The following OR4M1 variants were observed in gnomAD, a reference collection of about 807,000 sequenced individuals.
OR4M1 encodes olfactory receptor family 4 subfamily M member 1.
In OR4M1, 7 loss-of-function variants were observed where a neutral mutation model predicts 9.8. That is an observed-to-expected ratio of 0.71 (90% CI 0.41 to 1.34). The LOEUF (loss-of-function observed/expected upper bound fraction) is 1.34. Among genes scored for constraint, OR4M1 ranks in the 40% most tolerant of loss-of-function variants. The probability of loss-of-function intolerance (pLI) is 0.01; values close to 1 mark genes in which losing one functional copy is unlikely to be tolerated. For synonymous variants in OR4M1, 121 were observed against 139.8 expected (o/e 0.87, Z 0.95); for missense variants, 331 against 380.4 (o/e 0.87, Z 1.08).
chr14:19,781,547 C>T lies in OR4M1; in HGVS notation c.*283C>T. The T allele has an allele frequency of 2.6e-6, 1 of 379,012 alleles. No homozygotes were observed. Among genetic ancestry groups the T allele is most frequent in the Non-Finnish European group, 4.7e-6 (1 of 211,348 alleles). The allele number at this position is 379,012 out of a possible 1,614,324, so 23.5% of individuals were successfully genotyped here. ...TTTTAACTAATTGTTTATTGAGTAA[C>T]TACTCTGCAGAGGCTCTGGCTTTGA... On this transcript the variant is annotated 3_prime_UTR_variant, in exon 2 of 2. Transcript: ENST00000641200.
intron 1 of OR4M1, among the ~76,000 whole-genome samples, chr14:19,778,822 T>G (rs1371696067): frequency 9.7e-4 from 4 of 4,120 alleles, no homozygotes; most frequent in Admixed American, 8.5e-3. Flanking sequence ...TATCTTTCTT[T>G]TGATTAAATC....
intron 1 of OR4M1, among the ~76,000 whole-genome samples, chr14:19,775,115 T>C (rs1205237972): frequency 6.6e-6 from 1 of 152,226 alleles, no homozygotes. Context: ...ACTCCACTGC[T>C]GATATCAACC....
intron 1 of OR4M1, among the ~76,000 whole-genome samples, chr14:19,773,915 A>G (rs1291669215): frequency 6.6e-5 from 10 of 152,228 alleles, no homozygotes; most frequent in Non-Finnish European, 2.9e-5. Context: ...AAGCTCAGAG[A>G]AGGCTGTTTT....
chr14:19,780,146 T>G (rs1878424439), intron 1 of OR4M1, 148 bp from the exon 2 acceptor site: 1 of 690,996 alleles, frequency 1.4e-6, no homozygotes, highest in African/African-American at 1.8e-5. Context: ...TACTTTCTCT[T>G]TCTTGGTTTA....
chr14:19,777,050 T>TATA (rs57131693), intron 1 of OR4M1, among the ~76,000 whole-genome samples: 9,040 of 72,908 alleles, frequency 0.12, 549 homozygotes, highest in East Asian at 0.19. Flanking sequence ...ATATATATAT[T>TATA]GTTTGTTTGT....
chr14:19,775,599 AATAT>A (rs1878287934), intron 1 of OR4M1, among the ~76,000 whole-genome samples: 2 of 147,334 alleles, frequency 1.4e-5, no homozygotes, highest in Admixed American at 1.4e-4. Context: ...ATATAATTAT[AATAT>A]ATAAGTATAT....
At position 19,776,095 on chromosome 14, in the gene OR4M1, C is replaced by T. The variant is rs562882309; in HGVS notation, c.-30+2502C>T. 2.1e-4 allele frequency among the ~76,000 whole-genome samples: 32 copies of T among 152,206 alleles called. No individual in the cohort carries two copies. In the South Asian group the frequency reaches 6.4e-3, roughly 31 times the overall value. ...CCCACAGAATAAGTGAGCTCAATAT[C>T]CTAAAAATAGGAAAATTAATTCGCA... On this transcript the variant is annotated intron_variant, in intron 1 of 1. Coordinates refer to ENST00000641200, the MANE Select transcript of OR4M1 (RefSeq NM_001005500.2).
chr14:19,775,155 G>C (rs1197106305), intron 1 of OR4M1, among the ~76,000 whole-genome samples: 1 of 152,132 alleles, frequency 6.6e-6, no homozygotes, highest in Non-Finnish European at 1.5e-5. Context: ...CTTTTTTTGT[G>C]GTTTTAACAC....
In OR4M1 at chr14:19,780,473, C is replaced by T. The variant is rs142431986; in HGVS notation, c.151C>T (p.Leu51=). Residue 51 remains leucine (L), a synonymous_variant, in exon 2 of 2, where the codon CTA becomes TTA. Transcript: ENST00000641200. The part of the protein sequence containing the change: ...GNILIICTIR[L]DPHLTSPMYF... ...TATCCTTATCATTTGCACCATCAGG[C>T]TAGACCCTCATCTGACTTCTCCTAT... 1,848 of 1,613,912 alleles carry T rather than the reference C, an allele frequency of 1.1e-3. 3 individuals are homozygous for T. Among genetic ancestry groups the T allele is most frequent in the Non-Finnish European group, 1.5e-3 (1,788 of 1,179,848 alleles).
chr14:19,775,033 A>C (rs1021798467), intron 1 of OR4M1, among the ~76,000 whole-genome samples: 6 of 152,246 alleles, frequency 3.9e-5, no homozygotes, highest in African/African-American at 1.4e-4. Context: ...GCCTTCTTAC[A>C]TCCCCGCCCT....
chr14:19,777,943 T>C (rs962690343), intron 1 of OR4M1, among the ~76,000 whole-genome samples: 1 of 152,022 alleles, frequency 6.6e-6, no homozygotes, highest in Non-Finnish European at 1.5e-5. Flanking sequence ...GAGTAGGGAG[T>C]TTGATTGGCT....
At chr14:19,775,836 G>T (rs1218147352) in intron 1 of OR4M1, among the ~76,000 whole-genome samples, 1 of 147,872 alleles carries the variant, frequency 6.8e-6, no homozygotes, top group Non-Finnish European at 1.5e-5. Context: ...TATTAAAAGA[G>T]AAATAAGCAG....
rs1476615222 is a variant in OR4M1 at position 19,781,450 on chromosome 14, T to C, written c.*186T>C. ...GGCATTAAGATGAAAATAAATTTAC[T>C]CACACCTACCCTGAAATTCCAGGCA... is the stretch of plus-strand genomic sequence containing the variant. On this transcript the variant is annotated 3_prime_UTR_variant, in exon 2 of 2. Transcript: ENST00000641200. The C allele has an allele frequency of 4.6e-5, 28 of 608,784 alleles. No homozygotes were observed. Among genetic ancestry groups the C allele is most frequent in the Non-Finnish European group, 7.5e-5 (27 of 360,954 alleles). The allele number at this position is 608,784 out of a possible 1,614,324, so 37.7% of individuals were successfully genotyped here.
In OR4M1 at chr14:19,781,321, T is replaced by C; in HGVS notation, c.*57T>C. On this transcript the variant is annotated 3_prime_UTR_variant, in exon 2 of 2. Coordinates refer to ENST00000641200, the MANE Select transcript of OR4M1 (RefSeq NM_001005500.2). ...AGGATCATTGTCCTAAAGCAGGAAG[T>C]ATTTGCAGTAATAATGCTGCATTCA... is the stretch of plus-strand genomic sequence containing the variant. 1.4e-6 allele frequency: 2 copies of C among 1,391,366 alleles called. No individual in the cohort carries two copies. The highest frequency in any genetic ancestry group is 9.8e-7 in the Non-Finnish European group (1 of 1,018,628). 86.2% of individuals were successfully genotyped at this position (1,391,366 alleles called of 1,614,324 possible).
At chr14:19,776,207 C>T (rs1228778698) in intron 1 of OR4M1, among the ~76,000 whole-genome samples, 9 of 152,196 alleles carry the variant, frequency 5.9e-5, no homozygotes. Context: ...CTTAATTTAC[C>T]TTTCTGAGAA....
intron 1 of OR4M1, among the ~76,000 whole-genome samples, chr14:19,777,183 G>A (rs1878341138): frequency 6.6e-6 from 1 of 151,304 alleles, no homozygotes; most frequent in African/African-American, 2.4e-5. Flanking sequence ...AAAGAAAATT[G>A]GAAATCCAAT....
In OR4M1 at chr14:19,783,389, CTCCCACATGAATTA is replaced by C. The variant is rs1300503282; in HGVS notation, c.*2128_*2141del. 1 of 152,692 alleles carries C rather than the reference CTCCCACATGAATTA, an allele frequency of 6.5e-6. No individual in the cohort carries two copies. Among genetic ancestry groups the C allele is most frequent in the Non-Finnish European group, 1.5e-5 (1 of 68,370 alleles). The allele number at this position is 152,692 out of a possible 1,614,324, so 9.5% of individuals were successfully genotyped here. A position where few individuals can be genotyped will look rare whatever the true frequency, so the allele number is the denominator to read the frequency against. The stretch of plus-strand genomic sequence containing the variant: ...GCACAGGACAGCCCCCAGCCCCTGA[CTCCCACATGAATTA>C]TCTGGCCCAAAATGTCAATAGTGCC... On this transcript the variant is annotated 3_prime_UTR_variant, in exon 2 of 2. Transcript: ENST00000641200.
intron 1 of OR4M1, among the ~76,000 whole-genome samples, chr14:19,778,554 G>A (rs146185706): frequency 3.1e-4 from 47 of 152,330 alleles, no homozygotes; most frequent in African/African-American, 1.0e-3. Flanking sequence ...AATGAGCTGA[G>A]TAAATCATAA....
chr14:19,774,017 C>T (rs1878240954), intron 1 of OR4M1, among the ~76,000 whole-genome samples: 1 of 152,220 alleles, frequency 6.6e-6, no homozygotes, highest in South Asian at 2.1e-4. Flanking sequence ...AGGAAAACCC[C>T]AAGATCTTTA....
Sources: allele counts gnomAD v4.1 joint callset (sites outside exome capture counted in the v4.1 genomes callset), GRCh38; gene constraint gnomAD v4.1.1; transcripts MANE v1.5; gene names NCBI Gene and HGNC (gene_info 2026-07-23, HGNC 2026-07-21).